YES1: variants seen among roughly 807,000 people sequenced by gnomAD.
The protein encoded by YES1 is tyrosine-protein kinase Yes.
YES1 carries 39 observed loss-of-function variants against 70.4 expected under a neutral mutation model. The ratio of observed to expected loss-of-function variants is 0.55; its 90% confidence interval spans 0.43 to 0.72. The LOEUF is 0.72. YES1 is among the 30% of genes least tolerant of loss of function. YES1 has a pLI of 0.00. For synonymous variants in YES1, 198 were observed against 218.6 expected, an observed-to-expected ratio of 0.91 and a Z score of 0.83; for missense variants, 495 against 644.8, an observed-to-expected ratio of 0.77 and a Z score of 2.52.
At chr18:772,852 C>A (rs753101192) in intron 1 of YES1, among the ~76,000 whole-genome samples, 14 of 152,340 alleles carry the variant, frequency 9.2e-5, no homozygotes, top group South Asian at 2.1e-4. Flanking sequence ...GTGGTCTGCT[C>A]CAGGTTCCCT....
intron 2 of YES1, among the ~76,000 whole-genome samples, chr18:755,395 C>T (rs560842429): frequency 1.3e-5 from 2 of 151,974 alleles, no homozygotes; most frequent in East Asian, 1.9e-4. Flanking sequence ...ACTACAGGTG[C>T]GCAACACCAC....
intron 11 of YES1, among the ~76,000 whole-genome samples, chr18:724,896 T>C (rs2145654598): frequency 6.6e-6 from 1 of 152,302 alleles, no homozygotes; most frequent in East Asian, 1.9e-4. Context: ...CCCCATTTGA[T>C]TAATAAGAAT....
intron 11 of YES1, among the ~76,000 whole-genome samples, chr18:728,516 T>G (rs1183802256): frequency 6.6e-6 from 1 of 152,148 alleles, no homozygotes; most frequent in Non-Finnish European, 1.5e-5. Context: ...AGTTTTGGAT[T>G]TTGGAGCATT....
chr18:731,211 G>A (rs2080084056), intron 11 of YES1, among the ~76,000 whole-genome samples: 1 of 152,122 alleles, frequency 6.6e-6, no homozygotes, highest in African/African-American at 2.4e-5. Flanking sequence ...GTATGAAGAT[G>A]GAAAGACTGG....
chr18:798,316 T>C (rs558936250), intron 1 of YES1, among the ~76,000 whole-genome samples: 1 of 152,232 alleles, frequency 6.6e-6, no homozygotes, highest in Non-Finnish European at 1.5e-5. Flanking sequence ...CTAAGAATCA[T>C]CAATATTGTT....
rs1351983416 is a variant in YES1 at position 724,539 on chromosome 18, T to C, written c.1517A>G (p.Asn506Ser). The C allele has an allele frequency of 5.0e-6, 8 of 1,614,142 alleles. No individual in the cohort carries two copies. The South Asian group carries it at 8.8e-5, about 18-fold the overall frequency. The change falls in exon 12 of 12, where the codon AAT becomes AGT. Residue 506 changes from asparagine (N) to serine (S), a missense_variant. By Grantham distance (46) the Asn-to-Ser change is conservative (BLOSUM62 1). This residue lies in a region of YES1 where 385 missense variants were observed against 540.9 expected (regional missense o/e 0.71). Transcript: ENST00000314574. ...GCPESLHELMNLCWKKDPDER... is the reference protein window; with the variant it reads ...GCPESLHELMSLCWKKDPDER... ...ATCAGGGTCCTTCTTCCAACACAGA[T>C]TCATCAATTCATGGAGGGATTCTGG...
In YES1 at chr18:802,054, C is replaced by T. The variant is rs529833434; in HGVS notation, c.-9+10060G>A. 6.6e-5 allele frequency among the ~76,000 whole-genome samples: 10 copies of T among 152,266 alleles called. No homozygotes were observed. In the East Asian group the frequency reaches 1.9e-3, roughly 29 times the overall value. On this transcript the variant is annotated intron_variant, in intron 1 of 11. Transcript: ENST00000314574. ...ATATTTAATATCTGACCTTAATTAACAGCTGATATCTATTATAAAACATGC... is the reference window on the plus strand; with the variant it reads ...ATATTTAATATCTGACCTTAATTAATAGCTGATATCTATTATAAAACATGC...
At chr18:766,604 A>C (rs995575763) in intron 1 of YES1, among the ~76,000 whole-genome samples, 6 of 151,908 alleles carry the variant, frequency 3.9e-5, no homozygotes, top group Non-Finnish European at 7.4e-5. Flanking sequence ...AAACATTCTA[A>C]TTTCTCATTC....
chr18:744,683 C>T (rs1481262105), intron 6 of YES1, among the ~76,000 whole-genome samples: 1 of 134,942 alleles, frequency 7.4e-6, no homozygotes, highest in African/African-American at 2.8e-5. Flanking sequence ...AGCCACCACG[C>T]CTGGCCTTTT....
intron 1 of YES1, among the ~76,000 whole-genome samples, chr18:810,042 T>C (rs1393410964): frequency 6.6e-6 from 1 of 151,610 alleles, no homozygotes; most frequent in Admixed American, 6.6e-5. Context: ...CAAGTTTGGG[T>C]GACCCCAGCG....
At chr18:764,731 CTTTT>C (rs1158962483) in intron 1 of YES1, among the ~76,000 whole-genome samples, 1 of 151,996 alleles carries the variant, frequency 6.6e-6, no homozygotes, top group African/African-American at 2.4e-5. Context: ...CTGAATCTTT[CTTTT>C]TTCTCTCTTT....
intron 1 of YES1, among the ~76,000 whole-genome samples, chr18:810,608 C>G (rs1247662848): frequency 6.6e-6 from 1 of 152,170 alleles, no homozygotes; most frequent in East Asian, 1.9e-4. Flanking sequence ...TGGATATAAA[C>G]TGTTTTGTTT....
At chr18:763,363 G>C (rs1472430394) in intron 1 of YES1, among the ~76,000 whole-genome samples, 1 of 152,114 alleles carries the variant, frequency 6.6e-6, no homozygotes, top group African/African-American at 2.4e-5. Context: ...ACAGCAGTTA[G>C]ACAAGTTATA....
intron 1 of YES1, among the ~76,000 whole-genome samples, chr18:809,083 A>G (rs1329565160): frequency 2.0e-5 from 3 of 152,242 alleles, no homozygotes; most frequent in African/African-American, 4.8e-5. Flanking sequence ...TCAGAAAAAC[A>G]GAGTATTTGA....
intron 1 of YES1, among the ~76,000 whole-genome samples, chr18:768,641 C>T (rs1352899920): frequency 1.3e-4 from 19 of 151,978 alleles, no homozygotes; most frequent in Admixed American, 1.2e-3. Flanking sequence ...ACGGTGGTCC[C>T]GTAAGATTAT....
intron 1 of YES1, 39 bp from the exon 2 acceptor site, chr18:756,874 C>A: frequency 6.4e-7 from 1 of 1,553,020 alleles, no homozygotes; most frequent in Non-Finnish European, 8.7e-7. Flanking sequence ...TCAGTTAACA[C>A]ACAGGATACT....
At chr18:738,643 T>C (rs944826218) in intron 9 of YES1, 6 of 145,570 alleles carry the variant, frequency 4.1e-5, no homozygotes, top group African/African-American at 1.3e-4. Flanking sequence ...TGAGCCGAGA[T>C]TGCACCACTG....
chr18:797,000 A>C (rs778901698), intron 1 of YES1, among the ~76,000 whole-genome samples: 1 of 152,188 alleles, frequency 6.6e-6, no homozygotes, highest in South Asian at 2.1e-4. Context: ...AAAACCTGTA[A>C]GTAGAATTTT....
chr18:757,074 T>C (rs1357974360), intron 1 of YES1, among the ~76,000 whole-genome samples: 2 of 152,178 alleles, frequency 1.3e-5, no homozygotes, highest in East Asian at 3.9e-4. Flanking sequence ...AATAGTCCAA[T>C]GACAACATGC....
Sources: gnomAD v4.1 joint callset for allele counts (sites outside exome capture counted in the v4.1 genomes callset) on GRCh38, gnomAD v4.1.1 for gene constraint, gnomAD v4.1.1 regional missense constraint, MANE v1.5 for transcripts, NCBI Gene and HGNC (gene_info 2026-07-23, HGNC 2026-07-21) for gene names.